The following DAB1 variants were observed in gnomAD, a reference collection of about 807,000 sequenced individuals.
DAB1 encodes DAB adaptor protein 1.
Under a neutral mutation model 64.6 loss-of-function variants are expected in DAB1, and 15 were observed. The ratio of observed to expected loss-of-function variants is 0.23; its 90% confidence interval spans 0.16 to 0.36. The LOEUF is 0.36. Among genes scored for constraint, DAB1 ranks in the 10% least tolerant of loss-of-function variants. The pLI, the probability that DAB1 is intolerant of heterozygous loss-of-function variation, is 1.00. For synonymous variants in DAB1, 235 were observed against 251.9 expected (o/e 0.93, Z 0.64); for missense variants, 596 against 706.7 (o/e 0.84, Z 1.78).
intron 5 of DAB1, among the ~76,000 whole-genome samples, chr1:58,051,996 C>T (rs1402081844): frequency 7.9e-5 from 12 of 152,042 alleles, no homozygotes; most frequent in Non-Finnish European, 1.5e-5. Context: ...CTGTAGGTTG[C>T]CTGTTCACTC....
intron 6 of DAB1, among the ~76,000 whole-genome samples, chr1:57,740,798 G>T (rs1465888508): frequency 1.3e-5 from 2 of 152,178 alleles, no homozygotes; most frequent in Non-Finnish European, 2.9e-5. Context: ...TAAAAAACTG[G>T]CAGAGAAGTA....
intron 7 of DAB1, among the ~76,000 whole-genome samples, chr1:57,561,350 T>C (rs1341904938): frequency 6.6e-6 from 1 of 152,168 alleles, no homozygotes; most frequent in Non-Finnish European, 1.5e-5. Context: ...CTTTGAGCAG[T>C]GCACCTGGTT....
chr1:57,410,308 G>A (rs980166325), intron 1 of DAB1, among the ~76,000 whole-genome samples: 5 of 152,336 alleles, frequency 3.3e-5, no homozygotes, highest in African/African-American at 9.6e-5. Context: ...AAAATTAAAT[G>A]TAGCAAGTGT....
At chr1:57,055,661 C>T (rs576260058) in intron 9 of DAB1, among the ~76,000 whole-genome samples, 1 of 152,232 alleles carries the variant, frequency 6.6e-6, no homozygotes, top group African/African-American at 2.4e-5. Context: ...CTCAAATTTG[C>T]CATGTTACTG....
intron 14 of DAB1, 30 bp downstream of exon 14, chr1:57,010,650 G>A (rs1343501061): frequency 1.3e-5 from 17 of 1,261,248 alleles, no homozygotes; most frequent in Middle Eastern, 2.0e-4. Context: ...TAGCTTAAGG[G>A]TAAAGGAGAT....
chr1:57,583,031 G>A (rs890234880), intron 7 of DAB1, among the ~76,000 whole-genome samples: 5 of 152,160 alleles, frequency 3.3e-5, no homozygotes, highest in African/African-American at 1.2e-4. Context: ...TTGTGACTAT[G>A]AGAGGAAAAA....
chr1:57,502,517 G>A (rs1644302528), intron 7 of DAB1, among the ~76,000 whole-genome samples: 1 of 152,056 alleles, frequency 6.6e-6, no homozygotes. Flanking sequence ...TTATTTGTTT[G>A]TTTGTATATC....
intron 3 of DAB1, among the ~76,000 whole-genome samples, chr1:58,363,856 G>C (rs1644190719): frequency 6.6e-6 from 1 of 152,112 alleles, no homozygotes; most frequent in African/African-American, 2.4e-5. Flanking sequence ...GAGCCTCAGG[G>C]GGAGCCCTTA....
intron 3 of DAB1, chr1:58,415,533 C>G (rs77969594): frequency 4.8e-6 from 1 of 206,282 alleles, no homozygotes; most frequent in African/African-American, 2.3e-5. Flanking sequence ...AATCACACCT[C>G]ACTTCAGCCA....
intron 5 of DAB1, among the ~76,000 whole-genome samples, chr1:57,918,168 A>G (rs923658836): frequency 6.6e-6 from 1 of 152,102 alleles, no homozygotes; most frequent in Non-Finnish European, 1.5e-5. Flanking sequence ...TATCTCAATA[A>G]AGCCCTTAAA....
chr1:57,753,670 T>A lies in DAB1; in HGVS notation n.552-104005A>T, dbSNP rs375925070. The stretch of plus-strand genomic sequence containing the variant: ...TCCACATTTCATCCTATTGTTGCCC[T>A]CTTTGCAAAACATTTTATAGCTCAT... On this transcript the variant is annotated intron_variant and non_coding_transcript_variant, in intron 6 of 20. Coordinates refer to the DAB1 transcript ENST00000485760. 2.6e-5 allele frequency among the ~76,000 whole-genome samples: 4 copies of A among 152,228 alleles called. No individual in the cohort carries two copies. The East Asian group carries it at 7.7e-4, about 29-fold the overall frequency.
At chr1:57,218,952 G>A (rs980905044) in intron 2 of DAB1, among the ~76,000 whole-genome samples, 1 of 152,080 alleles carries the variant, frequency 6.6e-6, no homozygotes, top group Non-Finnish European at 1.5e-5. Context: ...AATTATACAG[G>A]GGGAAGATAA....
At chr1:57,699,751 A>T (rs776210135) in intron 6 of DAB1, among the ~76,000 whole-genome samples, 1 of 152,004 alleles carries the variant, frequency 6.6e-6, no homozygotes, top group African/African-American at 2.4e-5. Context: ...TGTCTCTACT[A>T]AAAATACAAA....
chr1:57,028,780 A>G (rs772027683), intron 9 of DAB1, among the ~76,000 whole-genome samples: 16 of 152,148 alleles, frequency 1.1e-4, no homozygotes, highest in Non-Finnish European at 1.9e-4. Flanking sequence ...AATTTGAGAG[A>G]GATAATTTAG....
chr1:58,048,049 C>T (rs1458294023), intron 5 of DAB1: 1 of 684,570 alleles, frequency 1.5e-6, no homozygotes, highest in Non-Finnish European at 2.6e-6. Flanking sequence ...TTGTCTAAAA[C>T]ATGTCTTCTT....
At chr1:57,989,118 T>TG (rs765423736) in intron 5 of DAB1, among the ~76,000 whole-genome samples, 3 of 152,168 alleles carry the variant, frequency 2.0e-5, no homozygotes, top group Non-Finnish European at 4.4e-5. Flanking sequence ...ACAAGTTACT[T>TG]AACTCCCCCA....
chr1:58,154,909 A>G (rs1446878528), intron 4 of DAB1, among the ~76,000 whole-genome samples: 1 of 152,220 alleles, frequency 6.6e-6, no homozygotes, highest in East Asian at 1.9e-4. Flanking sequence ...AAGGAATTCT[A>G]AGGCATCATG....
At chr1:58,405,228 C>A (rs562352881) in intron 3 of DAB1, among the ~76,000 whole-genome samples, 13 of 152,256 alleles carry the variant, frequency 8.5e-5, no homozygotes, top group African/African-American at 3.1e-4. Context: ...GCTGGTTCCT[C>A]ATCATGGGGG....
chr1:57,044,170 C>T (rs781348442), intron 9 of DAB1, among the ~76,000 whole-genome samples: 1 of 152,220 alleles, frequency 6.6e-6, no homozygotes, highest in Non-Finnish European at 1.5e-5. Flanking sequence ...AGCCCCAGCT[C>T]TTGTTCATTG....
Sources: gnomAD v4.1 joint callset for allele counts (sites outside exome capture counted in the v4.1 genomes callset) on GRCh38, gnomAD v4.1.1 for gene constraint, MANE v1.5 for transcripts, NCBI Gene and HGNC (gene_info 2026-07-23, HGNC 2026-07-21) for gene names.